The following TMEM132B variants were observed in gnomAD, a reference collection of about 807,000 sequenced individuals.
The protein encoded by TMEM132B is transmembrane protein 132B.
A neutral mutation model predicts 90.8 loss-of-function variants in TMEM132B; 18 were observed. The ratio of observed to expected loss-of-function variants is 0.20; its 90% CI spans 0.14 to 0.29. The LOEUF (loss-of-function observed/expected upper bound fraction) is 0.29. TMEM132B is among the 10% of genes least tolerant of loss of function. The pLI, the probability that TMEM132B is intolerant of heterozygous loss-of-function variation, is 1.00. For missense variants in TMEM132B, 1,096 were observed against 1,326.8 expected (o/e 0.83, Z 2.70); for synonymous variants, 504 against 523.3 (o/e 0.96, Z 0.50).
chr12:125,380,042 G>A (rs554121510), intron 2 of TMEM132B, among the ~76,000 whole-genome samples: 12 of 152,292 alleles, frequency 7.9e-5, no homozygotes, highest in Admixed American at 5.9e-4. Context: ...GGATGGATGC[G>A]TTCATTTCCT....
intron 1 of TMEM132B, among the ~76,000 whole-genome samples, chr12:125,225,426 G>A (rs1376723185): frequency 6.6e-6 from 1 of 152,212 alleles, no homozygotes; most frequent in Non-Finnish European, 1.5e-5. Flanking sequence ...GACAGCACAG[G>A]CCACTCACAC....
At chr12:125,466,032 CA>C (rs1881555305) in intron 3 of TMEM132B, among the ~76,000 whole-genome samples, 1 of 152,196 alleles carries the variant, frequency 6.6e-6, no homozygotes, top group Non-Finnish European at 1.5e-5. Flanking sequence ...ATAAATTACC[CA>C]GTCTCAGGTA....
At chr12:125,638,984 T>C (rs1303942860) in intron 5 of TMEM132B, among the ~76,000 whole-genome samples, 1 of 152,224 alleles carries the variant, frequency 6.6e-6, no homozygotes, top group East Asian at 1.9e-4. Flanking sequence ...ACAAATCATC[T>C]GTTTTCAATC....
chr12:125,341,286 G>T (rs1482435222), intron 1 of TMEM132B, among the ~76,000 whole-genome samples: 1 of 151,800 alleles, frequency 6.6e-6, no homozygotes, highest in Non-Finnish European at 1.5e-5. Flanking sequence ...TATGAGTGGG[G>T]GTAAAAACTA....
At chr12:125,539,808 G>A (rs1226171503) in intron 4 of TMEM132B, among the ~76,000 whole-genome samples, 2 of 151,986 alleles carry the variant, frequency 1.3e-5, no homozygotes, top group African/African-American at 4.8e-5. Flanking sequence ...ATCAACTTTT[G>A]ATTTCATAGA....
chr12:125,359,131 CT>C (rs1186499837), intron 2 of TMEM132B, among the ~76,000 whole-genome samples: 1 of 152,212 alleles, frequency 6.6e-6, no homozygotes, highest in Non-Finnish European at 1.5e-5. Flanking sequence ...GCCCCCACAT[CT>C]CTTGCTTGAA....
At position 125,654,461 on chromosome 12, in the gene TMEM132B, A is replaced by T; in HGVS notation, c.3003A>T (p.Gln1001His). The T allele has an allele frequency of 6.2e-7, 1 of 1,613,772 alleles. No homozygotes were observed. The highest frequency in any genetic ancestry group is 8.5e-7 in the Non-Finnish European group (1 of 1,180,024). ...NGSSQKTFHS[Q>H]LLRPSDYVYE... ...GTTCCCAGAAGACTTTTCATAGTCA[A>T]CTACTCAGACCCTCTGACTATGTCT... Residue 1001 changes from glutamine (Q) to histidine (H), a missense_variant, in exon 9 of 9, where the codon CAA (glutamine) becomes CAT (histidine). Transcript: ENST00000682704. This position sits in a 1 kb window ranked among gnomAD's most constrained non-coding sequence, Gnocchi z 5.8.
chr12:125,219,880 C>T (rs1453324592), intron 1 of TMEM132B, among the ~76,000 whole-genome samples: 1 of 152,260 alleles, frequency 6.6e-6, no homozygotes, highest in Non-Finnish European at 1.5e-5. Flanking sequence ...CAGCAGCCTT[C>T]CCCTGACGGC....
intron 1 of TMEM132B, among the ~76,000 whole-genome samples, chr12:125,218,769 G>GT (rs34905706): frequency 0.046 from 4,997 of 108,792 alleles, 279 homozygotes; most frequent in African/African-American, 0.12. Context: ...TGTTGAAGCT[G>GT]TTTTTTTTTT....
At position 125,458,719 on chromosome 12, in the gene TMEM132B, A is replaced by G. The variant is rs535322999; in HGVS notation, c.1106+43042A>G. Among the ~76,000 whole-genome samples the G allele has an allele frequency of 4.5e-4, 69 of 152,304 alleles. No individual in the cohort carries two copies. Among genetic ancestry groups the G allele is most frequent in the African/African-American group, 1.6e-3 (65 of 41,578 alleles). On this transcript the variant is annotated intron_variant, in intron 3 of 8. Coordinates refer to ENST00000682704, the MANE Select transcript of TMEM132B (RefSeq NM_001366854.1). The surrounding 1 kb of genome is among the most constrained non-coding windows in gnomAD (Gnocchi z 4.9). ...AGCCAATGGAGATGTTCCCGCCTGC[A>G]CTGCTGTCACACTGGGTGGTGTTGT...
chr12:125,362,401 A>T lies in TMEM132B; in HGVS notation c.959+12058A>T, dbSNP rs193292359. 5.1e-4 allele frequency among the ~76,000 whole-genome samples: 78 copies of T among 152,232 alleles called. 1 individual carries two copies. The East Asian group carries it at 0.014, about 27-fold the overall frequency. On this transcript the variant is annotated intron_variant, in intron 2 of 8. Transcript: ENST00000682704. ...CAAATGACCTGGAATATTGTTTTTTAAAAAAGAAACCCCAAGGAGTTTTAT... is the reference window on the plus strand; with the variant it reads ...CAAATGACCTGGAATATTGTTTTTTTAAAAAGAAACCCCAAGGAGTTTTAT...
chr12:125,318,211 A>G (rs754321873), intron 1 of TMEM132B, among the ~76,000 whole-genome samples: 11 of 152,142 alleles, frequency 7.2e-5, no homozygotes, highest in South Asian at 2.1e-4. Context: ...AACATGGTGA[A>G]CCCCAAGTTG....
At chr12:125,364,743 A>T (rs920836726) in intron 2 of TMEM132B, among the ~76,000 whole-genome samples, 1 of 151,998 alleles carries the variant, frequency 6.6e-6, no homozygotes, top group African/African-American at 2.4e-5. Context: ...TTTATTTCTT[A>T]GTATTTTATA....
At chr12:125,416,217 A>G (rs1272139434) in intron 3 of TMEM132B, among the ~76,000 whole-genome samples, 2 of 151,962 alleles carry the variant, frequency 1.3e-5, no homozygotes, top group Non-Finnish European at 2.9e-5. Context: ...ACCTCACATC[A>G]GGACATCTGG....
At chr12:125,495,489 C>G (rs1882539238) in intron 3 of TMEM132B, among the ~76,000 whole-genome samples, 1 of 152,194 alleles carries the variant, frequency 6.6e-6, no homozygotes. Context: ...GTGATAGCAG[C>G]TTTTTGTTGT....
intron 4 of TMEM132B, among the ~76,000 whole-genome samples, chr12:125,563,155 A>C (rs997944506): frequency 0.012 from 1,504 of 123,402 alleles, 28 homozygotes; most frequent in African/African-American, 0.036. Flanking sequence ...GCGTAATAAT[A>C]ATAATAATAA....
In TMEM132B at chr12:125,658,831, T is replaced by G. The variant is rs1887137786; in HGVS notation, c.*4121T>G. The G allele has an allele frequency of 1.3e-5, 2 of 152,212 alleles. No homozygotes were observed. The highest frequency in any genetic ancestry group is 2.1e-4 in the South Asian group (1 of 4,822). The allele number at this position is 152,212 out of a possible 1,614,324, so 9.4% of individuals were successfully genotyped here. On this transcript the variant is annotated 3_prime_UTR_variant, in exon 9 of 9. Coordinates refer to ENST00000682704, the MANE Select transcript of TMEM132B (RefSeq NM_001366854.1). The stretch of plus-strand genomic sequence containing the variant: ...TCATGAAATGCACTGAATTTGGAAT[T>G]CTGGCCTAGAAAGGCTGTGGCTTAT...
chr12:125,220,021 T>A (rs1593045678), intron 1 of TMEM132B, among the ~76,000 whole-genome samples: 1 of 152,390 alleles, frequency 6.6e-6, no homozygotes, highest in Middle Eastern at 3.4e-3. Context: ...ATGACAGCCC[T>A]ATGAAGTAGG....
chr12:125,263,181 G>T (rs1421290873), intron 1 of TMEM132B, among the ~76,000 whole-genome samples: 1 of 152,214 alleles, frequency 6.6e-6, no homozygotes, highest in Non-Finnish European at 1.5e-5. Flanking sequence ...TTTGAGGTCA[G>T]ATTTTTCTTA....
Sources: allele counts gnomAD v4.1 joint callset (sites outside exome capture counted in the v4.1 genomes callset), GRCh38; gene constraint gnomAD v4.1.1; non-coding constraint Gnocchi (gnomAD v3.1); transcripts MANE v1.5; gene names NCBI Gene and HGNC (gene_info 2026-07-23, HGNC 2026-07-21).